PLPPR1: variants seen among roughly 807,000 people sequenced by gnomAD.
PLPPR1 encodes the protein phospholipid phosphatase related 1, also known as phospholipid phosphatase-related protein type 1.
PLPPR1 carries 10 observed loss-of-function variants against 33.1 expected under a neutral mutation model. The ratio of observed to expected loss-of-function variants is 0.30; its 90% CI spans 0.19 to 0.51. PLPPR1 has a LOEUF of 0.51. Among genes scored for constraint, PLPPR1 ranks in the 20% least tolerant of loss-of-function variants. The pLI is 0.97. For synonymous variants in PLPPR1, 151 were observed against 151.0 expected, an observed-to-expected ratio of 1.00 and a Z score of 0.00; for missense variants, 304 against 408.1, an observed-to-expected ratio of 0.74 and a Z score of 2.20.
At chr9:101,089,288 TATAG>T (rs60312729) in intron 1 of PLPPR1, among the ~76,000 whole-genome samples, 27,431 of 150,110 alleles carry the variant, frequency 0.18, 2,627 homozygotes, top group African/African-American at 0.21. Flanking sequence ...AAAGCTAGAA[TATAG>T]ATAGATAGAT....
chr9:101,224,583 A>G (rs1187612394), intron 2 of PLPPR1, among the ~76,000 whole-genome samples: 4 of 152,182 alleles, frequency 2.6e-5, no homozygotes, highest in African/African-American at 9.7e-5. Flanking sequence ...TTATAGACAC[A>G]ATGGAGGAGA....
intron 4 of PLPPR1, among the ~76,000 whole-genome samples, chr9:101,293,828 C>G (rs1328041526): frequency 6.6e-6 from 1 of 151,866 alleles, no homozygotes; most frequent in African/African-American, 2.4e-5. Context: ...ATTTATAGCA[C>G]TAAATGCCCA....
intron 1 of PLPPR1, among the ~76,000 whole-genome samples, chr9:101,066,952 G>A (rs1401579058): frequency 6.6e-6 from 1 of 152,018 alleles, no homozygotes; most frequent in Non-Finnish European, 1.5e-5. Flanking sequence ...CTCTGAGCTA[G>A]ACATTTTAGT....
At chr9:101,319,748 T>A (rs184234276) in intron 7 of PLPPR1, among the ~76,000 whole-genome samples, 286 of 152,340 alleles carry the variant, frequency 1.9e-3, no homozygotes, top group Admixed American at 5.0e-3. Flanking sequence ...CTAATTACAA[T>A]CCTGTGTTTA....
At chr9:101,299,655 G>A (rs917178287) in intron 4 of PLPPR1, among the ~76,000 whole-genome samples, 1 of 152,164 alleles carries the variant, frequency 6.6e-6, no homozygotes, top group Admixed American at 6.5e-5. Context: ...CTAGTGTTGA[G>A]AGGCTGGACT....
chr9:101,270,037 A>T lies in PLPPR1; in HGVS notation c.221A>T (p.Tyr74Phe), dbSNP rs778618938. The T allele has an allele frequency of 1.2e-6, 2 of 1,614,192 alleles. No homozygotes were observed. Among genetic ancestry groups the T allele is most frequent in the African/African-American group, 1.3e-5 (1 of 75,054 alleles). ...AGCTTCATCACCCCTCTGGTGCTCT[A>T]TTGTGTGCTGGCTGCCACCCCAACT... ...EESFITPLVL[Y>F]CVLAATPTAI... Residue 74 changes from tyrosine to phenylalanine, a missense_variant, in exon 3 of 8, where the codon TAT (tyrosine) becomes TTT (phenylalanine). Tyr to Phe is a conservative substitution (Grantham distance 22). Coordinates refer to ENST00000374874, the MANE Select transcript of PLPPR1 (RefSeq NM_207299.2).
rs139098858 is a variant in PLPPR1 at position 101,048,227 on chromosome 9, A to G, written c.-46+19125A>G. Among the ~76,000 whole-genome samples the G allele has an allele frequency of 2.6e-5, 4 of 152,330 alleles. No individual in the cohort carries two copies. In the East Asian group the frequency reaches 7.7e-4, roughly 29 times the overall value. ...TGATTACTCATAGGGAGAGATGCCAAATAGGCTTGTTCTGTGTCCAAGAAA... is the reference window on the plus strand; with the variant it reads ...TGATTACTCATAGGGAGAGATGCCAGATAGGCTTGTTCTGTGTCCAAGAAA... On this transcript the variant is annotated intron_variant, in intron 1 of 7. Transcript: ENST00000374874.
intron 4 of PLPPR1, among the ~76,000 whole-genome samples, chr9:101,288,060 G>C (rs899559827): frequency 1.3e-5 from 2 of 152,104 alleles, no homozygotes; most frequent in African/African-American, 4.8e-5. Flanking sequence ...TATACCTTTT[G>C]TGACCCACCC....
rs569307336 is a variant in PLPPR1 at position 101,111,199 on chromosome 9, G to T, written c.-45-74251G>T. On this transcript the variant is annotated intron_variant, in intron 1 of 7. Coordinates refer to ENST00000374874, the MANE Select transcript of PLPPR1 (RefSeq NM_207299.2). ...TTATTTTTAAATCTATGTTTCCTAA[G>T]TACTCTCTAAAGAACAAGTGTTATT... 2.0e-5 allele frequency among the ~76,000 whole-genome samples: 3 copies of T among 152,094 alleles called. No homozygotes were observed. The South Asian group carries it at 6.3e-4, about 32-fold the overall frequency.
chr9:101,130,357 T>G (rs935700129), intron 1 of PLPPR1, among the ~76,000 whole-genome samples: 5 of 152,166 alleles, frequency 3.3e-5, no homozygotes, highest in African/African-American at 1.2e-4. Context: ...ATCCAAGCTC[T>G]GCCACTTTAT....
intron 1 of PLPPR1, among the ~76,000 whole-genome samples, chr9:101,130,255 A>G (rs1248205635): frequency 6.6e-6 from 1 of 152,184 alleles, no homozygotes; most frequent in Non-Finnish European, 1.5e-5. Flanking sequence ...CACTGTCTCC[A>G]TGTTTTCATG....
At chr9:101,142,029 G>A (rs1176722013) in intron 1 of PLPPR1, among the ~76,000 whole-genome samples, 1 of 152,138 alleles carries the variant, frequency 6.6e-6, no homozygotes, top group Non-Finnish European at 1.5e-5. Context: ...TTATCTTCCA[G>A]TGTCTAGTCC....
intron 4 of PLPPR1, among the ~76,000 whole-genome samples, chr9:101,294,413 A>G (rs1828580758): frequency 6.6e-6 from 1 of 152,068 alleles, no homozygotes; most frequent in South Asian, 2.1e-4. Context: ...AACTATTCCA[A>G]TCAATAGAAA....
chr9:101,242,956 C>A (rs1454554257), intron 2 of PLPPR1, among the ~76,000 whole-genome samples: 5 of 151,986 alleles, frequency 3.3e-5, no homozygotes, highest in African/African-American at 9.7e-5. Context: ...GAGAAAATTT[C>A]TAATGCTTCC....
At chr9:101,323,889 G>C in intron 7 of PLPPR1, 136 bp from the exon 8 acceptor site, 1 of 558,992 alleles carries the variant, frequency 1.8e-6, no homozygotes, top group South Asian at 3.0e-5. Flanking sequence ...CAGGGGCCTT[G>C]GAAAAGCATA....
At chr9:101,138,523 T>C (rs1231568822) in intron 1 of PLPPR1, among the ~76,000 whole-genome samples, 1 of 152,218 alleles carries the variant, frequency 6.6e-6, no homozygotes, top group East Asian at 1.9e-4. Context: ...GCAGGATAGA[T>C]AGGACAACCT....
intron 3 of PLPPR1, among the ~76,000 whole-genome samples, chr9:101,273,625 T>C (rs752169235): frequency 6.6e-6 from 1 of 152,198 alleles, no homozygotes; most frequent in African/African-American, 2.4e-5. Context: ...AGAAGATACA[T>C]TGTGGATGTT....
At chr9:101,194,041 C>G (rs1361189949) in intron 2 of PLPPR1, among the ~76,000 whole-genome samples, 1 of 152,152 alleles carries the variant, frequency 6.6e-6, no homozygotes, top group East Asian at 1.9e-4. Flanking sequence ...ACATTTTAAT[C>G]CAGGTAAATC....
intron 1 of PLPPR1, among the ~76,000 whole-genome samples, chr9:101,064,420 G>A (rs10989367): frequency 0.03 from 4,523 of 152,110 alleles, 120 homozygotes; most frequent in East Asian, 0.081. Context: ...ATGAATGAAT[G>A]GGGTTATGGT....
Sources: gnomAD v4.1 joint callset for allele counts (sites outside exome capture counted in the v4.1 genomes callset) on GRCh38, gnomAD v4.1.1 for gene constraint, MANE v1.5 for transcripts, NCBI Gene and HGNC (gene_info 2026-07-23, HGNC 2026-07-21) for gene names.